C1QTNF9: variants seen among roughly 807,000 people sequenced by gnomAD.
C1QTNF9 encodes the protein C1q and TNF related 9.
Under a neutral mutation model 10.1 loss-of-function variants are expected in C1QTNF9, and 6 were observed. The observed-to-expected ratio is 0.59, with a 90% CI of 0.32 to 1.17. The LOEUF is 1.17. Among genes scored for constraint, C1QTNF9 ranks in the 50% most tolerant of loss-of-function variants. The pLI is 0.04. For missense variants in C1QTNF9, 201 were observed against 418.8 expected (o/e 0.48, Z 4.54); for synonymous variants, 98 against 163.5 (o/e 0.60, Z 3.06).
chr13:24,311,845 TC>T (rs1257449596), intron 1 of C1QTNF9, among the ~76,000 whole-genome samples: 1 of 151,982 alleles, frequency 6.6e-6, no homozygotes, highest in Non-Finnish European at 1.5e-5. Flanking sequence ...CTTCAAGGAG[TC>T]CCACATGGTT....
At chr13:24,320,003 G>A (rs1257815394) in intron 3 of C1QTNF9, among the ~76,000 whole-genome samples, 1 of 152,150 alleles carries the variant, frequency 6.6e-6, no homozygotes, top group Non-Finnish European at 1.5e-5. Context: ...CGGCTCTTTG[G>A]TATGGGTGGG....
upstream of C1QTNF9, among the ~76,000 whole-genome samples, chr13:24,309,277 A>G (rs1303072608): frequency 1.6e-5 from 1 of 64,368 alleles, no homozygotes; most frequent in African/African-American, 4.9e-5. Context: ...ACTAGAACTT[A>G]AAGTATTATA....
chr13:24,318,679 G>A (rs1478925221), intron 2 of C1QTNF9, 139 bp from the exon 3 acceptor site: 10 of 1,023,958 alleles, frequency 9.8e-6, no homozygotes, highest in East Asian at 7.3e-5. Flanking sequence ...CTCCACCTGC[G>A]CTTGTGTGGA....
At chr13:24,319,271 G>C (rs961069079) in intron 3 of C1QTNF9, among the ~76,000 whole-genome samples, 3 of 152,010 alleles carry the variant, frequency 2.0e-5, no homozygotes, top group Non-Finnish European at 2.9e-5. Flanking sequence ...GAGCACCATG[G>C]CCCACACCTG....
chr13:24,312,985 G>A (rs1877893391), intron 1 of C1QTNF9, among the ~76,000 whole-genome samples: 2 of 150,602 alleles, frequency 1.3e-5, no homozygotes, highest in Admixed American at 6.6e-5. Context: ...AAAAAATAGT[G>A]CCAACCTAGG....
chr13:24,321,912 A>C, exon 4 of C1QTNF9: 1 of 1,157,734 alleles, frequency 8.6e-7, no homozygotes, highest in Non-Finnish European at 1.2e-6. Context: ...CCCAAAACTG[A>C]TTCTGTGTAA....
chr13:24,307,298 T>C (rs1877634452), upstream of C1QTNF9: 1 of 152,126 alleles, frequency 6.6e-6, no homozygotes, highest in South Asian at 2.1e-4. Context: ...ACGTCAGTGG[T>C]TGGAGTAAGA....
chr13:24,318,682 T>G (rs3864972), intron 2 of C1QTNF9, 136 bp from the exon 3 acceptor site: 15 of 863,804 alleles, frequency 1.7e-5, no homozygotes, highest in Non-Finnish European at 2.5e-5. Flanking sequence ...CACCTGCGCT[T>G]GTGTGGAGGA....
chr13:24,318,757 A>G (rs1195548743), intron 2 of C1QTNF9, 61 bp from the exon 3 acceptor site: 1 of 1,608,286 alleles, frequency 6.2e-7, no homozygotes, highest in African/African-American at 1.3e-5. Context: ...ATGGAGACCA[A>G]TGGCCAGAAA....
exon 4 of C1QTNF9, chr13:24,321,638 T>C (rs747383431): frequency 6.2e-7 from 1 of 1,614,198 alleles, no homozygotes; most frequent in Non-Finnish European, 8.5e-7. Context: ...TCTGGCGGCA[T>C]TGTCCTGCAG....
At chr13:24,319,795 T>C (rs1016273794) in intron 3 of C1QTNF9, among the ~76,000 whole-genome samples, 7 of 152,098 alleles carry the variant, frequency 4.6e-5, no homozygotes, top group Non-Finnish European at 7.3e-5. Flanking sequence ...GTGGCAAACT[T>C]GTGTAATCTT....
At chr13:24,307,236 T>TG (rs1291463816), upstream of C1QTNF9, 1 of 152,078 alleles carries the variant, frequency 6.6e-6, no homozygotes, top group African/African-American at 2.4e-5. Flanking sequence ...TGGGTAGGCG[T>TG]GGGAGAAGGG....
intron 1 of C1QTNF9, among the ~76,000 whole-genome samples, chr13:24,315,058 G>A (rs1041766703): frequency 4.6e-5 from 7 of 151,948 alleles, no homozygotes; most frequent in Non-Finnish European, 1.0e-4. Flanking sequence ...AACATAAAAC[G>A]TAAAACTAAC....
At chr13:24,318,010 G>T (rs1878107070) in intron 2 of C1QTNF9, among the ~76,000 whole-genome samples, 1 of 152,148 alleles carries the variant, frequency 6.6e-6, no homozygotes, top group Non-Finnish European at 1.5e-5. Context: ...CCTGTCTCAG[G>T]ACCTGCAAGC....
chr13:24,310,999 A>G (rs1877800188), intron 1 of C1QTNF9, among the ~76,000 whole-genome samples: 1 of 151,878 alleles, frequency 6.6e-6, no homozygotes, highest in African/African-American at 2.4e-5. Flanking sequence ...ATATTCGATG[A>G]AGGCAGCCTA....
At chr13:24,313,693 A>T (rs1877922923) in intron 1 of C1QTNF9, among the ~76,000 whole-genome samples, 1 of 152,148 alleles carries the variant, frequency 6.6e-6, no homozygotes, top group Admixed American at 6.5e-5. Context: ...GATGACAGAG[A>T]GTCTTGCTGG....
At chr13:24,311,031 C>A (rs11839369) in intron 1 of C1QTNF9, among the ~76,000 whole-genome samples, 3 of 151,936 alleles carry the variant, frequency 2.0e-5, no homozygotes, top group African/African-American at 7.3e-5. Context: ...ACTCTTAGAT[C>A]GTCAGATCCG....
upstream of C1QTNF9, among the ~76,000 whole-genome samples, chr13:24,307,631 C>T (rs540096208): frequency 4.5e-4 from 69 of 152,182 alleles, no homozygotes; most frequent in African/African-American, 1.6e-3. Flanking sequence ...TCTGCTCCTC[C>T]CAACCTTGGG....
At chr13:24,317,515 C>T (rs1050240600) in intron 2 of C1QTNF9, among the ~76,000 whole-genome samples, 4 of 151,784 alleles carry the variant, frequency 2.6e-5, no homozygotes, top group African/African-American at 4.8e-5. Context: ...TATTTTTCTA[C>T]GTAGTTCATA....
Sources: gnomAD v4.1 joint callset for allele counts (sites outside exome capture counted in the v4.1 genomes callset) on GRCh38, gnomAD v4.1.1 for gene constraint, MANE v1.5 for transcripts, NCBI Gene and HGNC (gene_info 2026-07-23, HGNC 2026-07-21) for gene names.